The following ZNF69 variants were observed in gnomAD, a reference collection of about 807,000 sequenced individuals.
ZNF69 encodes the protein zinc finger protein 69, also known as ZNF3.
In ZNF69, 47 loss-of-function variants were observed where a neutral mutation model predicts 50.9. That is an observed-to-expected ratio of 0.92 (90% CI 0.73 to 1.18). The LOEUF (loss-of-function observed/expected upper bound fraction) is 1.18. Among genes scored for constraint, ZNF69 ranks in the 50% most tolerant of loss-of-function variants. The probability of loss-of-function intolerance (pLI) is 0.00; values close to 1 mark genes in which losing one functional copy is unlikely to be tolerated. For synonymous variants in ZNF69, 216 were observed against 223.1 expected (o/e 0.97, Z 0.29); for missense variants, 717 against 675.1 (o/e 1.06, Z -0.69).
chr19:11,891,237 G>A (rs1977078441), intron 1 of ZNF69, among the ~76,000 whole-genome samples: 1 of 151,942 alleles, frequency 6.6e-6, no homozygotes, highest in South Asian at 2.1e-4. Flanking sequence ...ACCAGCCTGG[G>A]CAACATAGGG....
the ZNF69 span, among the ~76,000 whole-genome samples, chr19:11,963,088 A>AGAGAGTGTGTGTGT: frequency 7.2e-6 from 1 of 138,248 alleles, no homozygotes; most frequent in African/African-American, 3.0e-5. Context: ...AGAGAGAGAG[A>AGAGAGTGTGTGTGT]GTGTGTGTGT....
intron 4 of ZNF69, among the ~76,000 whole-genome samples, chr19:11,912,018 G>A (rs1972465601): frequency 1.3e-5 from 2 of 152,104 alleles, no homozygotes; most frequent in African/African-American, 4.8e-5. Flanking sequence ...TCACACTGGA[G>A]AGAAACCCTA....
intron 1 of ZNF69, among the ~76,000 whole-genome samples, chr19:11,889,484 A>G (rs1977029322): frequency 6.6e-6 from 1 of 152,106 alleles, no homozygotes; most frequent in Non-Finnish European, 1.5e-5. Flanking sequence ...GTTTTTATTT[A>G]AAACAGAGTC....
the ZNF69 span, among the ~76,000 whole-genome samples, chr19:11,941,747 T>TGC: frequency 6.6e-6 from 1 of 152,206 alleles, no homozygotes; most frequent in East Asian, 1.9e-4. Context: ...GCTCCCACAG[T>TGC]GCAGCAGTGG....
At chr19:11,945,559 T>C in the ZNF69 span, among the ~76,000 whole-genome samples, 1 of 152,172 alleles carries the variant, frequency 6.6e-6, no homozygotes, top group African/African-American at 2.4e-5. Context: ...TGTTTTTGCC[T>C]GACCGGCTGG....
the ZNF69 span, among the ~76,000 whole-genome samples, chr19:11,963,269 A>T: frequency 6.6e-6 from 1 of 152,056 alleles, no homozygotes; most frequent in Non-Finnish European, 1.5e-5. Context: ...CTAAACAAAG[A>T]TGTATGGAGT....
intron 3 of ZNF69, among the ~76,000 whole-genome samples, chr19:11,904,342 T>C (rs993027445): frequency 2.6e-5 from 4 of 152,208 alleles, no homozygotes; most frequent in Non-Finnish European, 4.4e-5. Flanking sequence ...ATGATATCAC[T>C]GCACTCCAGT....
chr19:11,963,994 A>C, the ZNF69 span, among the ~76,000 whole-genome samples: 9 of 152,278 alleles, frequency 5.9e-5, no homozygotes, highest in Non-Finnish European at 1.2e-4. Context: ...GGAGGAGAGC[A>C]GGGGTTTGAG....
chr19:11,969,909 C>T, the ZNF69 span, among the ~76,000 whole-genome samples: 19,212 of 152,152 alleles, frequency 0.13, 2,258 homozygotes, highest in African/African-American at 0.31. Context: ...GTCTTCAGTA[C>T]ACCCTCCTAT....
chr19:11,928,559 C>T, the ZNF69 span, among the ~76,000 whole-genome samples: 1 of 149,112 alleles, frequency 6.7e-6, no homozygotes, highest in Non-Finnish European at 1.5e-5. Context: ...GGTGAAACCC[C>T]GTCTCTACTA....
chr19:11,917,758 C>T (rs920194441), downstream of ZNF69, among the ~76,000 whole-genome samples: 15 of 149,248 alleles, frequency 1.0e-4, no homozygotes, highest in African/African-American at 3.2e-4. Context: ...CCTGGGTAGC[C>T]GGGACTGCTG....
chr19:11,934,779 G>A, the ZNF69 span, among the ~76,000 whole-genome samples: 12 of 147,900 alleles, frequency 8.1e-5, 1 homozygote, highest in African/African-American at 7.9e-5. Context: ...CACCTGCCTC[G>A]GCTTCCCAAT....
chr19:11,938,730 G>C, the ZNF69 span, among the ~76,000 whole-genome samples: 1 of 152,062 alleles, frequency 6.6e-6, no homozygotes, highest in Non-Finnish European at 1.5e-5. Flanking sequence ...TAATCCTTTG[G>C]GTATATACCC....
At chr19:11,904,179 G>A (rs537554688) in intron 3 of ZNF69, among the ~76,000 whole-genome samples, 2 of 152,128 alleles carry the variant, frequency 1.3e-5, no homozygotes, top group Admixed American at 6.6e-5. Context: ...GATAGCTTGA[G>A]GCCAGCAGTT....
the ZNF69 span, among the ~76,000 whole-genome samples, chr19:11,975,770 A>G: frequency 1.6e-4 from 24 of 152,118 alleles, no homozygotes; most frequent in African/African-American, 5.8e-4. Flanking sequence ...TCATCAGTGG[A>G]TATGTGGGTG....
chr19:11,960,301 C>T, the ZNF69 span, among the ~76,000 whole-genome samples: 8 of 152,206 alleles, frequency 5.3e-5, no homozygotes, highest in South Asian at 4.1e-4. Context: ...TACAGGCGTG[C>T]GCCACTGCGC....
At chr19:11,949,008 C>T in the ZNF69 span, 1 of 1,605,962 alleles carries the variant, frequency 6.2e-7, no homozygotes, top group Non-Finnish European at 8.5e-7. Context: ...AAAGGACCCA[C>T]TCTGGGAAAA....
At position 11,903,545 on chromosome 19, in the gene ZNF69, C is replaced by A. The variant is rs530159036; in HGVS notation, c.64-28C>A. The A allele has an allele frequency of 9.3e-6, 15 of 1,612,744 alleles. No individual in the cohort carries two copies. The African/African-American group carries it at 1.6e-4, about 17-fold the overall frequency. ...CCCCAGTGCTGTCACTCTCACCCAT[C>A]CTCCTCTACACATGTGAGATGTTTC... On this transcript the variant is annotated intron_variant, in intron 1 of 3. Transcript: ENST00000429654.
chr19:11,950,518 G>A, the ZNF69 span: 1 of 632,638 alleles, frequency 1.6e-6, no homozygotes. Flanking sequence ...ACTTACACTG[G>A]AGTGAAACCC....
Sources: gnomAD v4.1 joint callset for allele counts (sites outside exome capture counted in the v4.1 genomes callset) on GRCh38, gnomAD v4.1.1 for gene constraint, MANE v1.5 for transcripts, NCBI Gene and HGNC (gene_info 2026-07-23, HGNC 2026-07-21) for gene names.